PC: variants seen among roughly 807,000 people sequenced by gnomAD.
PC encodes pyruvate carboxylase, mitochondrial.
Under a neutral mutation model 107.8 loss-of-function variants are expected in PC, and 46 were observed. That is an observed-to-expected ratio of 0.43 (90% confidence interval 0.34 to 0.55). PC has a LOEUF of 0.55. Ranked by LOEUF, PC falls within the 20% of genes least tolerant of loss-of-function variation. The pLI, the probability that PC is intolerant of heterozygous loss-of-function variation, is 0.04. For missense variants in PC, 1,241 were observed against 1,643.1 expected (o/e 0.76, Z 4.23); for synonymous variants, 662 against 684.7 (o/e 0.97, Z 0.52).
chr11:66,911,421 C>CAAAAAAAAAAAAAAA (rs778431341), intron 3 of PC, among the ~76,000 whole-genome samples: 1 of 51,646 alleles, frequency 1.9e-5, no homozygotes. Flanking sequence ...GCAGCCTGGA[C>CAAAAAAAAAAAAAAA]AAAAAAAAAA....
chr11:66,936,732 T>C (rs1949011086), intron 3 of PC, among the ~76,000 whole-genome samples: 1 of 152,196 alleles, frequency 6.6e-6, no homozygotes, highest in Admixed American at 6.5e-5. Flanking sequence ...TCATTTAACC[T>C]ATGTTTTTCA....
chr11:66,932,047 G>GA (rs1948870791), intron 3 of PC, among the ~76,000 whole-genome samples: 1 of 150,466 alleles, frequency 6.6e-6, no homozygotes, highest in Non-Finnish European at 1.5e-5. Context: ...AAAAGAAAAA[G>GA]AAAAAAGGAA....
At chr11:66,854,933 T>C (rs1218717544) in intron 12 of PC, among the ~76,000 whole-genome samples, 1 of 152,184 alleles carries the variant, frequency 6.6e-6, no homozygotes, top group East Asian at 1.9e-4. Flanking sequence ...AGGCAGCTAA[T>C]GAAACCATCC....
At chr11:66,916,433 G>A (rs1192942125) in intron 3 of PC, among the ~76,000 whole-genome samples, 2 of 152,112 alleles carry the variant, frequency 1.3e-5, no homozygotes, top group Non-Finnish European at 2.9e-5. Context: ...CAGGGTTAAG[G>A]AGGACTTCAC....
At chr11:66,935,869 G>A (rs751652061) in intron 3 of PC, among the ~76,000 whole-genome samples, 6 of 151,990 alleles carry the variant, frequency 3.9e-5, no homozygotes, top group Non-Finnish European at 5.9e-5. Flanking sequence ...CAGGAGGATC[G>A]CTTGAGCTCA....
intron 11 of PC, among the ~76,000 whole-genome samples, 184 bp from the exon 12 acceptor site, chr11:66,864,140 G>A (rs537872047): frequency 1.3e-5 from 2 of 152,344 alleles, no homozygotes; most frequent in African/African-American, 2.4e-5. Context: ...CCAGGAGTGC[G>A]TCCCTTCTCT....
At chr11:66,915,906 G>T (rs1010810305) in intron 3 of PC, among the ~76,000 whole-genome samples, 4 of 152,044 alleles carry the variant, frequency 2.6e-5, no homozygotes, top group African/African-American at 9.7e-5. Context: ...TGCCTCTTTC[G>T]GCACTTTGAG....
rs114035451 is a variant in PC, at chr11:66,860,701, A to C, written c.1368+3073T>G. ...GAGCATGGGCTTGGGCAGGCGGCCT[A>C]CCCTCGCCTGTAAGTGCAAAGAACG... On this transcript the variant is annotated intron_variant, in intron 12 of 22. Coordinates refer to ENST00000393960, the MANE Select transcript of PC (RefSeq NM_001040716.2). The C allele has an allele frequency of 3.0e-3, 2,116 of 700,844 alleles. 41 individuals carry two copies. The African/African-American group carries it at 0.031, about 10-fold the overall frequency. The allele number at this position is 700,844 out of a possible 1,614,324, so 43.4% of individuals were successfully genotyped here.
At chr11:66,869,402 G>T (rs1946632745) in intron 9 of PC, among the ~76,000 whole-genome samples, 1 of 151,578 alleles carries the variant, frequency 6.6e-6, no homozygotes, top group Non-Finnish European at 1.5e-5. Context: ...AGTCACCTCT[G>T]GCCACCACCA....
intron 3 of PC, among the ~76,000 whole-genome samples, chr11:66,941,909 C>T (rs993784414): frequency 2.0e-5 from 3 of 151,626 alleles, no homozygotes; most frequent in African/African-American, 7.3e-5. Context: ...TTGAGATCAG[C>T]CTGACCAACA....
In PC at chr11:66,890,353, T is replaced by C. The variant is rs1322330768; in HGVS notation, c.1-18194A>G. Among the ~76,000 whole-genome samples the C allele has an allele frequency of 6.6e-5, 10 of 151,922 alleles. 1 individual carries two copies. In the East Asian group the frequency reaches 7.7e-4, roughly 12 times the overall value. ...TTAATGAACCTATGGTATTGTGTTA[T>C]AGCAGCCCAGACTAAGGCAGTGACA... is the stretch of plus-strand genomic sequence containing the variant. On this transcript the variant is annotated intron_variant, in intron 3 of 22. Transcript: ENST00000393960.
chr11:66,924,740 C>A (rs1400365596), intron 3 of PC, among the ~76,000 whole-genome samples: 1 of 152,156 alleles, frequency 6.6e-6, no homozygotes, highest in East Asian at 1.9e-4. Context: ...GGATTACAGG[C>A]CTTGTGAGCC....
At chr11:66,906,397 G>A in intron 3 of PC, among the ~76,000 whole-genome samples, 1 of 152,062 alleles carries the variant, frequency 6.6e-6, no homozygotes, top group East Asian at 1.9e-4. Flanking sequence ...CTGTCTCCTG[G>A]CCTCAGACTC....
In PC at chr11:66,858,904, C is replaced by A; in HGVS notation, c.1368+4870G>T. 6.4e-7 allele frequency: 1 copy of A among 1,562,482 alleles called. No homozygotes were observed. Among genetic ancestry groups the A allele is most frequent in the Non-Finnish European group, 8.7e-7 (1 of 1,152,934 alleles). On this transcript the variant is annotated intron_variant, in intron 12 of 22. Transcript: ENST00000393960. This position sits in a 1 kb window ranked among gnomAD's most constrained non-coding sequence, Gnocchi z 5.9. ...GCCGAGGGGGGCCGCCCCGGGCCCTCGGACATCGCCGCCTCCGCTCGCACT... is the reference window on the plus strand; with the variant it reads ...GCCGAGGGGGGCCGCCCCGGGCCCTAGGACATCGCCGCCTCCGCTCGCACT...
intron 10 of PC, 123 bp downstream of exon 10, chr11:66,868,723 A>G: frequency 1.3e-6 from 1 of 755,948 alleles, no homozygotes; most frequent in Non-Finnish European, 2.4e-6. Flanking sequence ...CTGGATCCCC[A>G]TTGCTCTCCA....
intron 3 of PC, among the ~76,000 whole-genome samples, chr11:66,875,012 T>C (rs1946918604): frequency 6.6e-6 from 1 of 152,094 alleles, no homozygotes. Flanking sequence ...GGTGCTGTCC[T>C]GAGAGAGGGA....
chr11:66,930,576 T>C (rs767344238), intron 3 of PC, among the ~76,000 whole-genome samples: 2 of 151,958 alleles, frequency 1.3e-5, no homozygotes, highest in Non-Finnish European at 2.9e-5. Context: ...ACCCTGTCTC[T>C]ATTAAAGATA....
intron 10 of PC, among the ~76,000 whole-genome samples, chr11:66,868,624 TGTCA>T (rs998460166): frequency 6.6e-6 from 1 of 152,206 alleles, no homozygotes; most frequent in African/African-American, 2.4e-5. Flanking sequence ...AGAGGAGGGC[TGTCA>T]GTCATTTTTA....
intron 12 of PC, chr11:66,856,580 G>C (rs1026171674): frequency 1.3e-5 from 2 of 152,612 alleles, no homozygotes; most frequent in Admixed American, 6.5e-5. Flanking sequence ...GACCTTCAGC[G>C]TGTGTCTGTG....
Sources: gnomAD v4.1 joint callset for allele counts (sites outside exome capture counted in the v4.1 genomes callset) on GRCh38, gnomAD v4.1.1 for gene constraint, Gnocchi (gnomAD v3.1) non-coding constraint, MANE v1.5 for transcripts, NCBI Gene and HGNC (gene_info 2026-07-23, HGNC 2026-07-21) for gene names.